PITPNM2: variants seen among roughly 807,000 people sequenced by gnomAD.
PITPNM2 encodes phosphatidylinositol transfer protein membrane associated 2.
A neutral mutation model predicts 132.2 loss-of-function variants in PITPNM2; 35 were observed. The observed-to-expected ratio is 0.26, with a 90% CI of 0.20 to 0.35. The LOEUF (loss-of-function observed/expected upper bound fraction) is 0.35, where lower values mean the gene tolerates loss of function less well. Ranked by LOEUF, PITPNM2 falls within the 10% of genes least tolerant of loss-of-function variation. The probability of loss-of-function intolerance (pLI) is 1.00; values close to 1 mark genes in which losing one functional copy is unlikely to be tolerated. For missense variants in PITPNM2, 1,332 were observed against 1,912.0 expected (o/e 0.70, Z 5.66); for synonymous variants, 738 against 799.2 (o/e 0.92, Z 1.29).
chr12:122,987,548 G>A lies in PITPNM2; in HGVS notation c.3226C>T (p.Leu1076=). The change falls in exon 22 of 26, where the codon CTG becomes TTG. Residue 1076 remains leucine, a synonymous_variant. Transcript: ENST00000320201. ...VSYTIPESHR[L]GVGVYPIKMV... ...TTGATAGGGTAGACACCCACGCCCA[G>A]GCGGTGCGACTCAGGGATGGTGTAG... 1 of 1,613,874 alleles carries A rather than the reference G, an allele frequency of 6.2e-7. No individual in the cohort carries two copies. The highest frequency in any genetic ancestry group is 8.5e-7 in the Non-Finnish European group (1 of 1,179,922).
At chr12:123,136,774 G>A (rs1269003827) in intron 1 of PITPNM2, among the ~76,000 whole-genome samples, 1 of 152,132 alleles carries the variant, frequency 6.6e-6, no homozygotes, top group Non-Finnish European at 1.5e-5. Context: ...GCAGGCGCCT[G>A]TAGTCCCAGC....
chr12:123,143,647 C>T (rs1163886162), intron 1 of PITPNM2, among the ~76,000 whole-genome samples: 1 of 152,194 alleles, frequency 6.6e-6, no homozygotes, highest in East Asian at 1.9e-4. Context: ...AAGGATTGGT[C>T]TCAGCTCCTA....
At chr12:123,067,102 A>C (rs1241240258) in intron 2 of PITPNM2, among the ~76,000 whole-genome samples, 1 of 152,224 alleles carries the variant, frequency 6.6e-6, no homozygotes, top group Admixed American at 6.5e-5. Context: ...AGATGAAATC[A>C]TACTGGATTG....
chr12:123,101,123 GC>G (rs1315847460), intron 2 of PITPNM2, among the ~76,000 whole-genome samples: 1 of 152,256 alleles, frequency 6.6e-6, no homozygotes, highest in East Asian at 1.9e-4. Flanking sequence ...CAGTGCACAG[GC>G]ACTCTGTACT....
chr12:123,114,796 C>T (rs1266039972), intron 1 of PITPNM2, among the ~76,000 whole-genome samples: 1 of 152,206 alleles, frequency 6.6e-6, no homozygotes, highest in Non-Finnish European at 1.5e-5. Context: ...AAGTGCTTAG[C>T]ACCATGCCTG....
rs1171758802 is a variant in PITPNM2 at position 122,986,763 on chromosome 12, C to T, written c.3480G>A (p.Arg1160=). 1 of 1,613,596 alleles carries T rather than the reference C, an allele frequency of 6.2e-7. No individual in the cohort carries two copies. The highest frequency in any genetic ancestry group is 8.5e-7 in the Non-Finnish European group (1 of 1,180,002). The change falls in exon 24 of 26, where the codon CGG becomes CGA. Residue 1160 remains arginine, a synonymous_variant. Transcript: ENST00000320201. ...VTGRPDMQKQ[R]VVAWLAQHNF... ...TGTGCTGGGCCAGCCACGCCACCAC[C>T]CGCTGCTTCTGCATGTCGGGCCGGC...
chr12:123,143,353 A>T (rs890492615), intron 1 of PITPNM2, among the ~76,000 whole-genome samples: 2 of 152,234 alleles, frequency 1.3e-5, no homozygotes, highest in Non-Finnish European at 2.9e-5. Context: ...CCTGTGAGTC[A>T]GACTTGGAAG....
rs1220825429 is a variant in PITPNM2 at position 123,031,382 on chromosome 12, T to G, written c.78+3131A>C. Reference sequence around the variant, plus strand: ...GGCTGTGGAGGCCAGAACCCAGCGATGCATCCGCCTGTCTAAGACCCAGCT... The same window carrying G: ...GGCTGTGGAGGCCAGAACCCAGCGAGGCATCCGCCTGTCTAAGACCCAGCT... On this transcript the variant is annotated intron_variant, in intron 3 of 25. Transcript: ENST00000320201. This position sits in a 1 kb window ranked among gnomAD's most constrained non-coding sequence, Gnocchi z 4.5. Among the ~76,000 whole-genome samples the G allele has an allele frequency of 1.3e-5, 2 of 152,128 alleles. No homozygotes were observed. Among genetic ancestry groups the G allele is most frequent in the East Asian group, 3.9e-4 (2 of 5,186 alleles).
chr12:123,108,837 C>T lies in PITPNM2; in HGVS notation c.-96+1548G>A, dbSNP rs113444109. 7.8e-4 allele frequency among the ~76,000 whole-genome samples: 118 copies of T among 152,038 alleles called. 2 individuals carry two copies. Among genetic ancestry groups the T allele is most frequent in the African/African-American group, 2.7e-3 (110 of 41,450 alleles). On this transcript the variant is annotated intron_variant, in intron 2 of 25. Transcript: ENST00000320201. This position sits in a 1 kb window ranked among gnomAD's most constrained non-coding sequence, Gnocchi z 4.4. ...TCTTCCCAGCAAGGATGAGGGCACC[C>T]GGAGAAGGGAAGGGACTTACCCGAG...
chr12:123,074,614 CACAT>C (rs1464842904), intron 2 of PITPNM2, among the ~76,000 whole-genome samples: 2 of 151,976 alleles, frequency 1.3e-5, no homozygotes, highest in African/African-American at 2.4e-5. Context: ...CACATGCCTA[CACAT>C]ACACCCACCC....
Position 123,106,263 on chromosome 12 carries a change from C to G in PITPNM2, c.-96+4122G>C, listed in dbSNP as rs761667230. Among the ~76,000 whole-genome samples the G allele has an allele frequency of 5.0e-4, 76 of 152,160 alleles. No homozygotes were observed. The highest frequency in any genetic ancestry group is 1.0e-3 in the Non-Finnish European group (71 of 68,028). ...CTGGGCCAGGTGTGGTGGTGTGCAC[C>G]TGTAGTCCCAGCTACTCAGGAGGCT... On this transcript the variant is annotated intron_variant, in intron 2 of 25. Coordinates refer to ENST00000320201, the MANE Select transcript of PITPNM2 (RefSeq NM_020845.3). The surrounding 1 kb of genome is among the most constrained non-coding windows in gnomAD (Gnocchi z 4.4).
chr12:122,986,129 A>G lies in PITPNM2; in HGVS notation c.3948T>C (p.Asp1316=). Residue 1316 remains aspartate, a synonymous_variant, in exon 26 of 26, where the codon GAT becomes GAC. Coordinates refer to ENST00000320201, the MANE Select transcript of PITPNM2 (RefSeq NM_020845.3). ...TGCTGCGCTGGCCCCGCTGCTCGCCATCCGCCTGGCTCTGTGTCCGCTCGT... is the reference window on the plus strand; with the variant it reads ...TGCTGCGCTGGCCCCGCTGCTCGCCGTCCGCCTGGCTCTGTGTCCGCTCGT... ...HRHERTQSQA[D]GEQRGQRSMS... 2 of 1,511,352 alleles carry G rather than the reference A, an allele frequency of 1.3e-6. No individual in the cohort carries two copies. The highest frequency in any genetic ancestry group is 2.1e-5 in the Admixed American group (1 of 47,476). The allele number at this position is 1,511,352 out of a possible 1,614,324, so 93.6% of individuals were successfully genotyped here. A position where few individuals can be genotyped will look rare whatever the true frequency, so the allele number is the denominator to read the frequency against.
At chr12:123,050,781 T>C (rs979591235) in intron 2 of PITPNM2, among the ~76,000 whole-genome samples, 1 of 152,200 alleles carries the variant, frequency 6.6e-6, no homozygotes, top group Admixed American at 6.5e-5. Flanking sequence ...GGCTCTTCTT[T>C]ACAGAGCTAT....
chr12:123,119,584 T>G (rs945710238), intron 1 of PITPNM2, among the ~76,000 whole-genome samples: 3 of 151,748 alleles, frequency 2.0e-5, no homozygotes, highest in Non-Finnish European at 4.4e-5. Context: ...GGTCTTGATC[T>G]CCTGACCTCG....
chr12:123,141,547 AAAG>A (rs2043506216), intron 1 of PITPNM2, among the ~76,000 whole-genome samples: 1 of 152,178 alleles, frequency 6.6e-6, no homozygotes, highest in Admixed American at 6.5e-5. Flanking sequence ...TTCCCTGGAG[AAAG>A]AAGAGCAGCC....
intron 3 of PITPNM2, among the ~76,000 whole-genome samples, chr12:123,016,374 G>C (rs1592945419): frequency 6.6e-6 from 1 of 150,860 alleles, no homozygotes; most frequent in East Asian, 2.0e-4. Context: ...GGAGTGCAGT[G>C]GCATGATCTT....
At chr12:123,062,938 C>T (rs958568113) in intron 2 of PITPNM2, among the ~76,000 whole-genome samples, 3 of 152,218 alleles carry the variant, frequency 2.0e-5, no homozygotes, top group African/African-American at 7.2e-5. Context: ...TAAAACTCAC[C>T]AGGCCCTGTG....
Position 122,989,866 on chromosome 12 carries a change from A to AG in PITPNM2, c.2651dup (p.Gly885TrpfsTer21). The AG allele has an allele frequency of 3.4e-6, 1 of 295,958 alleles. No homozygotes were observed. The allele number at this position is 295,958 out of a possible 1,614,324, so 18.3% of individuals were successfully genotyped here. ...CCTTCCTGGCTGGAGGGTGGGGGCC[A>AG]GGGGTGGTGGGGCTGGGGGCGGGCA... On this transcript the variant is annotated frameshift_variant, in exon 18 of 26. Transcript: ENST00000320201. LOFTEE classifies it high-confidence loss of function.
rs2043711114 is a variant in PITPNM2, at chr12:123,150,521, C to G, written c.-200+232G>C. Among the ~76,000 whole-genome samples, 1 of 152,108 alleles carries G rather than the reference C, an allele frequency of 6.6e-6. No homozygotes were observed. Among genetic ancestry groups the G allele is most frequent in the African/African-American group, 2.4e-5 (1 of 41,450 alleles). ...TCGGGCACGGATCCAGGGCCGGCGA[C>G]TCACTGAGGCCAGGCTCGGGCGGTC... is the stretch of plus-strand genomic sequence containing the variant. On this transcript the variant is annotated intron_variant, in intron 1 of 25. Transcript: ENST00000320201. This position sits in a 1 kb window ranked among gnomAD's most constrained non-coding sequence, Gnocchi z 6.0.
Sources: gnomAD v4.1 joint callset for allele counts (sites outside exome capture counted in the v4.1 genomes callset) on GRCh38, gnomAD v4.1.1 for gene constraint, Gnocchi (gnomAD v3.1) non-coding constraint, MANE v1.5 for transcripts, NCBI Gene and HGNC (gene_info 2026-07-23, HGNC 2026-07-21) for gene names.